SCAPER: variants seen among roughly 807,000 people sequenced by gnomAD.
SCAPER encodes the protein S phase cyclin A-associated protein in the endoplasmic reticulum.
Under a neutral mutation model 182.2 loss-of-function variants are expected in SCAPER, and 98 were observed. The ratio of observed to expected loss-of-function variants is 0.54; its 90% CI spans 0.46 to 0.64. The LOEUF (loss-of-function observed/expected upper bound fraction) is 0.64. Ranked by LOEUF, SCAPER falls within the 30% of genes least tolerant of loss-of-function variation. The pLI, the probability that SCAPER is intolerant of heterozygous loss-of-function variation, is 0.00. For missense variants in SCAPER, 1,432 were observed against 1,690.0 expected (o/e 0.85, Z 2.68); for synonymous variants, 605 against 564.6 (o/e 1.07, Z -1.01).
At chr15:76,550,051 G>A (rs1003934638) in intron 23 of SCAPER, among the ~76,000 whole-genome samples, 3 of 152,010 alleles carry the variant, frequency 2.0e-5, no homozygotes, top group Non-Finnish European at 2.9e-5. Context: ...ATGCAAACGC[G>A]CTTTTGACAT....
At chr15:76,898,410 G>T (rs1204734520) in intron 1 of SCAPER, among the ~76,000 whole-genome samples, 1 of 152,140 alleles carries the variant, frequency 6.6e-6, no homozygotes, top group Admixed American at 6.5e-5. Context: ...ATACTCAAGA[G>T]AAATGAAAAC....
chr15:76,458,421 C>T (rs1408457107), intron 25 of SCAPER, among the ~76,000 whole-genome samples: 3 of 151,704 alleles, frequency 2.0e-5, no homozygotes, highest in Admixed American at 6.6e-5. Flanking sequence ...CACACACACA[C>T]ACATATATAT....
At position 76,382,421 on chromosome 15, in the gene SCAPER, A is replaced by G. The variant is rs2043011456; in HGVS notation, c.3468-806T>C. On this transcript the variant is annotated intron_variant, in intron 27 of 31. Transcript: ENST00000563290. The stretch of plus-strand genomic sequence containing the variant: ...CACAGGTGTTAAAAAAAAAAAGTAG[A>G]ACCACTCAATGTGAGGCTTGAACCC... 2.0e-5 allele frequency among the ~76,000 whole-genome samples: 3 copies of G among 151,514 alleles called. No homozygotes were observed. In the South Asian group the frequency reaches 6.3e-4, roughly 32 times the overall value.
At chr15:76,365,020 C>G (rs1020919981) in intron 29 of SCAPER, among the ~76,000 whole-genome samples, 18 of 152,060 alleles carry the variant, frequency 1.2e-4, no homozygotes, top group African/African-American at 3.9e-4. Flanking sequence ...TCCCCCAGCC[C>G]CGAGAATGTC....
At chr15:76,615,213 G>A (rs541253461) in intron 22 of SCAPER, among the ~76,000 whole-genome samples, 6 of 151,866 alleles carry the variant, frequency 4.0e-5, no homozygotes, top group African/African-American at 1.2e-4. Flanking sequence ...GGAGGCTGAG[G>A]GGGGGCGGAT....
At chr15:76,749,746 T>C (rs1380781547) in intron 15 of SCAPER, among the ~76,000 whole-genome samples, 1 of 152,076 alleles carries the variant, frequency 6.6e-6, no homozygotes, top group Non-Finnish European at 1.5e-5. Flanking sequence ...TTGAGATATA[T>C]GTCATGTTCA....
At chr15:76,398,067 G>A (rs1251948043) in intron 27 of SCAPER, among the ~76,000 whole-genome samples, 1 of 152,072 alleles carries the variant, frequency 6.6e-6, no homozygotes, top group African/African-American at 2.4e-5. Flanking sequence ...TCTATTCTTT[G>A]TATTTTTCTC....
At chr15:76,704,010 G>A (rs1383290459) in intron 18 of SCAPER, among the ~76,000 whole-genome samples, 2 of 152,140 alleles carry the variant, frequency 1.3e-5, no homozygotes, top group African/African-American at 2.4e-5. Context: ...GTTAGAGACT[G>A]CCTATGGTTG....
intron 22 of SCAPER, among the ~76,000 whole-genome samples, chr15:76,585,769 A>G (rs999691796): frequency 6.6e-6 from 1 of 152,184 alleles, no homozygotes; most frequent in Non-Finnish European, 1.5e-5. Context: ...AGTACAACAA[A>G]TAAAATAGCC....
intron 2 of SCAPER, 129 bp downstream of exon 2, chr15:76,883,683 A>G (rs2073696749): frequency 1.3e-6 from 1 of 784,872 alleles, no homozygotes; most frequent in Non-Finnish European, 2.0e-6. Flanking sequence ...TCACTTTATC[A>G]CTGTGCTTTA....
At chr15:76,726,124 A>AATATATACATATATATATATATAT (rs2060571496) in intron 17 of SCAPER, among the ~76,000 whole-genome samples, 1 of 15,348 alleles carries the variant, frequency 6.5e-5, no homozygotes, top group Non-Finnish European at 1.8e-4. Flanking sequence ...TAATGTCTAG[A>AATATATACATATATATATATATAT]ATATATATAT....
intron 22 of SCAPER, among the ~76,000 whole-genome samples, chr15:76,611,389 G>A (rs1011874946): frequency 1.4e-4 from 21 of 151,932 alleles, no homozygotes; most frequent in East Asian, 5.8e-4. Flanking sequence ...AGAAAGAAAC[G>A]GAATCTCTGA....
intron 23 of SCAPER, among the ~76,000 whole-genome samples, chr15:76,526,732 C>T (rs982649631): frequency 3.3e-5 from 5 of 151,948 alleles, no homozygotes; most frequent in Admixed American, 2.6e-4. Flanking sequence ...ATTTTTACTT[C>T]CTAGAGTTCA....
intron 23 of SCAPER, among the ~76,000 whole-genome samples, chr15:76,550,383 C>G (rs189871351): frequency 4.7e-4 from 72 of 152,178 alleles, no homozygotes; most frequent in African/African-American, 1.6e-3. Context: ...CATACTGTTC[C>G]CCTTCATGTG....
intron 20 of SCAPER, among the ~76,000 whole-genome samples, chr15:76,692,190 T>C (rs1366134760): frequency 6.6e-6 from 1 of 152,184 alleles, no homozygotes; most frequent in African/African-American, 2.4e-5. Flanking sequence ...ATGTTCCTTA[T>C]ACCTTAAGAG....
intron 4 of SCAPER, among the ~76,000 whole-genome samples, chr15:76,844,249 T>A (rs55778276): frequency 0.27 from 38,372 of 142,394 alleles, 5,905 homozygotes; most frequent in East Asian, 0.56. Flanking sequence ...CAAGGACATT[T>A]GAGAGACAAA....
At position 76,867,573 on chromosome 15, in the gene SCAPER, A is replaced by G. The variant is rs921331845; in HGVS notation, c.7-5040T>C. On this transcript the variant is annotated intron_variant, in intron 2 of 31. Coordinates refer to ENST00000563290, the MANE Select transcript of SCAPER (RefSeq NM_020843.4). ...GCTAAACTATTATAAGGGGGAAACAACTTCTCTCTTGTATGAGCTACTCTG... is the reference window on the plus strand; with the variant it reads ...GCTAAACTATTATAAGGGGGAAACAGCTTCTCTCTTGTATGAGCTACTCTG... Among the ~76,000 whole-genome samples the G allele has an allele frequency of 1.1e-4, 17 of 152,152 alleles. 1 individual carries two copies. Among genetic ancestry groups the G allele is most frequent in the Admixed American group, 1.0e-3 (16 of 15,260 alleles).
chr15:76,838,392 C>G (rs2069141190), intron 5 of SCAPER, among the ~76,000 whole-genome samples: 1 of 152,102 alleles, frequency 6.6e-6, no homozygotes, highest in Non-Finnish European at 1.5e-5. Flanking sequence ...ACACTGGGGC[C>G]CAACTCCATC....
At chr15:76,811,118 T>A (rs1385460917) in intron 5 of SCAPER, among the ~76,000 whole-genome samples, 3 of 93,406 alleles carry the variant, frequency 3.2e-5, no homozygotes, top group Non-Finnish European at 6.8e-5. Context: ...TAGATAGAAT[T>A]TACAAAAAAA....
Sources: gnomAD v4.1 joint callset for allele counts (sites outside exome capture counted in the v4.1 genomes callset) on GRCh38, gnomAD v4.1.1 for gene constraint, MANE v1.5 for transcripts, NCBI Gene and HGNC (gene_info 2026-07-23, HGNC 2026-07-21) for gene names.